ZCCHC4: variants seen among roughly 807,000 people sequenced by gnomAD.
ZCCHC4 encodes zinc finger CCHC-type containing 4.
A neutral mutation model predicts 67.7 loss-of-function variants in ZCCHC4; 54 were observed. That is an observed-to-expected ratio of 0.80 (90% confidence interval 0.64 to 1.00). The LOEUF (loss-of-function observed/expected upper bound fraction) is 1.00. Ranked by LOEUF, ZCCHC4 falls within the 50% of genes least tolerant of loss-of-function variation. ZCCHC4 has a pLI of 0.00. For missense variants in ZCCHC4, 609 were observed against 617.0 expected, an observed-to-expected ratio of 0.99 and a Z score of 0.14; for synonymous variants, 198 against 213.5, an observed-to-expected ratio of 0.93 and a Z score of 0.63.
chr4:25,368,950 G>A, intron 12 of ZCCHC4, 79 bp from the exon 13 acceptor site: 1 of 1,468,000 alleles, frequency 6.8e-7, no homozygotes. Flanking sequence ...TATTTGGTTA[G>A]CTAGTTAATT....
chr4:25,331,296 G>A (rs138919788), intron 3 of ZCCHC4, among the ~76,000 whole-genome samples: 98 of 152,198 alleles, frequency 6.4e-4, no homozygotes, highest in African/African-American at 2.0e-3. Flanking sequence ...AGCTGTCTGC[G>A]GAAGCTGTCA....
At chr4:25,360,796 G>C (rs1273809908) in intron 8 of ZCCHC4, among the ~76,000 whole-genome samples, 1 of 152,170 alleles carries the variant, frequency 6.6e-6, no homozygotes, top group African/African-American at 2.4e-5. Flanking sequence ...CCACATTCCT[G>C]ATGGGGGGGC....
In ZCCHC4 at chr4:25,331,287, G is replaced by A. The variant is rs574078220; in HGVS notation, c.330-1896G>A. ...ATCTGGTCTCTGTTACTCCATCATAGCTGTCTGCGGAAGCTGTCAACATTT... is the reference window on the plus strand; with the variant it reads ...ATCTGGTCTCTGTTACTCCATCATAACTGTCTGCGGAAGCTGTCAACATTT... On this transcript the variant is annotated intron_variant, in intron 3 of 12. Coordinates refer to ENST00000302874, the MANE Select transcript of ZCCHC4 (RefSeq NM_024936.3). 4.0e-3 allele frequency among the ~76,000 whole-genome samples: 605 copies of A among 152,218 alleles called. 5 individuals carry two copies. The highest frequency in any genetic ancestry group is 0.02 in the Middle Eastern group (6 of 294).
chr4:25,360,656 T>C (rs1012286580), intron 8 of ZCCHC4, among the ~76,000 whole-genome samples: 2 of 152,174 alleles, frequency 1.3e-5, no homozygotes, highest in African/African-American at 2.4e-5. Flanking sequence ...CAGCAGAGTA[T>C]GCTGAGTACA....
chr4:25,330,885 G>A (rs1372924510), intron 3 of ZCCHC4, among the ~76,000 whole-genome samples: 2 of 152,134 alleles, frequency 1.3e-5, no homozygotes, highest in African/African-American at 4.8e-5. Context: ...TTCTGCATGT[G>A]CACATGCTGC....
intron 3 of ZCCHC4, among the ~76,000 whole-genome samples, chr4:25,324,222 G>T (rs1261961647): frequency 9.4e-5 from 14 of 149,600 alleles, no homozygotes; most frequent in African/African-American, 3.5e-4. Flanking sequence ...TCACCATGTT[G>T]GCCAGGATGG....
chr4:25,339,188 A>G (rs1719610195), intron 5 of ZCCHC4, among the ~76,000 whole-genome samples: 1 of 152,184 alleles, frequency 6.6e-6, no homozygotes, highest in African/African-American at 2.4e-5. Flanking sequence ...TAATGGCCTC[A>G]TTGTAACTTA....
chr4:25,318,589 C>G (rs900021803), intron 3 of ZCCHC4, among the ~76,000 whole-genome samples: 6 of 151,500 alleles, frequency 4.0e-5, no homozygotes, highest in African/African-American at 1.2e-4. Context: ...TCCTGACCTC[C>G]GGTGGTCTGC....
chr4:25,317,841 T>C (rs2109047401), intron 3 of ZCCHC4, among the ~76,000 whole-genome samples: 1 of 152,134 alleles, frequency 6.6e-6, no homozygotes, highest in Non-Finnish European at 1.5e-5. Context: ...CTGAAGCTTA[T>C]AGGAGTTATA....
chr4:25,319,999 T>C (rs183211024), intron 3 of ZCCHC4, among the ~76,000 whole-genome samples: 401 of 152,288 alleles, frequency 2.6e-3, no homozygotes, highest in Middle Eastern at 6.8e-3. Flanking sequence ...TAAGGACTTA[T>C]GGTAGCTAGC....
intron 5 of ZCCHC4, among the ~76,000 whole-genome samples, chr4:25,337,953 G>T (rs540306042): frequency 1.3e-5 from 2 of 152,132 alleles, no homozygotes; most frequent in African/African-American, 4.8e-5. Context: ...GGTTTACTTT[G>T]TTTTTAAAAA....
chr4:25,340,653 T>G (rs1245645274), intron 5 of ZCCHC4, among the ~76,000 whole-genome samples: 2 of 152,222 alleles, frequency 1.3e-5, no homozygotes, highest in Non-Finnish European at 2.9e-5. Flanking sequence ...TCTTTAGATC[T>G]TCAATTTCTT....
intron 6 of ZCCHC4, among the ~76,000 whole-genome samples, chr4:25,346,944 CTG>C (rs1244834206): frequency 6.6e-6 from 1 of 152,180 alleles, no homozygotes; most frequent in Admixed American, 6.5e-5. Flanking sequence ...AGTGAGAAGA[CTG>C]TACTGAGGGA....
At chr4:25,319,458 A>C (rs1028018725) in intron 3 of ZCCHC4, among the ~76,000 whole-genome samples, 9 of 152,146 alleles carry the variant, frequency 5.9e-5, no homozygotes, top group African/African-American at 1.9e-4. Flanking sequence ...CTTGTGGCTT[A>C]GGTGATCAAT....
At position 25,361,929 on chromosome 4, in the gene ZCCHC4, T is replaced by C. The variant is rs750568506; in HGVS notation, c.1082T>C (p.Phe361Ser). The C allele has an allele frequency of 1.2e-6, 2 of 1,614,108 alleles. No individual in the cohort carries two copies. The highest frequency in any genetic ancestry group is 1.3e-5 in the African/African-American group (1 of 75,058). ...TGRKQSPVRIFTNIPPNKIIL... is the reference protein window; with the variant it reads ...TGRKQSPVRISTNIPPNKIIL... Reference sequence around the variant, plus strand: ...CGAAAACAGTCTCCCGTGCGTATTTTCACCAACATTCCGCCCAACAAAATA... The same window carrying C: ...CGAAAACAGTCTCCCGTGCGTATTTCCACCAACATTCCGCCCAACAAAATA... Residue 361 changes from phenylalanine (F) to serine (S), a missense_variant, in exon 9 of 13, where the codon TTC becomes TCC. Coordinates refer to ENST00000302874, the MANE Select transcript of ZCCHC4 (RefSeq NM_024936.3).
chr4:25,360,872 G>C (rs919718418), intron 8 of ZCCHC4, among the ~76,000 whole-genome samples: 4 of 152,204 alleles, frequency 2.6e-5, no homozygotes, highest in African/African-American at 9.7e-5. Flanking sequence ...GTCCAACCTA[G>C]TACTGATACC....
chr4:25,322,191 G>A (rs1219297752), intron 3 of ZCCHC4, among the ~76,000 whole-genome samples: 1 of 152,096 alleles, frequency 6.6e-6, no homozygotes, highest in Non-Finnish European at 1.5e-5. Flanking sequence ...TGTTTTTGAG[G>A]TAGGGTCTTG....
chr4:25,324,252 TGATC>T (rs1314040725), intron 3 of ZCCHC4, among the ~76,000 whole-genome samples: 1 of 151,804 alleles, frequency 6.6e-6, no homozygotes, highest in East Asian at 1.9e-4. Context: ...CCTGACCTCA[TGATC>T]TGCCTGCCTT....
chr4:25,330,048 G>A (rs1719099515), intron 3 of ZCCHC4, among the ~76,000 whole-genome samples: 1 of 152,094 alleles, frequency 6.6e-6, no homozygotes. Flanking sequence ...CTGGAGTGCA[G>A]TGGTGTGATC....
Sources: allele counts gnomAD v4.1 joint callset (sites outside exome capture counted in the v4.1 genomes callset), GRCh38; gene constraint gnomAD v4.1.1; transcripts MANE v1.5; gene names NCBI Gene and HGNC (gene_info 2026-07-23, HGNC 2026-07-21).